The following CEP112 variants were observed in gnomAD, a reference collection of about 807,000 sequenced individuals.
CEP112 encodes centrosomal protein 112, also known as centrosomal protein of 112 kDa.
In CEP112, 127 loss-of-function variants were observed where a neutral mutation model predicts 153.0. The ratio of observed to expected loss-of-function variants is 0.83; its 90% CI spans 0.72 to 0.96. The LOEUF (loss-of-function observed/expected upper bound fraction) is 0.96, where lower values mean the gene tolerates loss of function less well. Ranked by LOEUF, CEP112 falls within the 40% of genes least tolerant of loss-of-function variation. CEP112 has a pLI of 0.00. For synonymous variants in CEP112, 358 were observed against 374.4 expected (o/e 0.96, Z 0.51); for missense variants, 1,089 against 1,101.2 (o/e 0.99, Z 0.16).
At chr17:66,119,302 C>T (rs1299331309) in intron 6 of CEP112, among the ~76,000 whole-genome samples, 1 of 152,106 alleles carries the variant, frequency 6.6e-6, no homozygotes, top group Non-Finnish European at 1.5e-5. Flanking sequence ...ACGTATATAA[C>T]AAACTTGCAC....
intron 4 of CEP112, among the ~76,000 whole-genome samples, chr17:66,167,290 A>C (rs763076294): frequency 1.3e-5 from 2 of 152,158 alleles, no homozygotes; most frequent in Non-Finnish European, 2.9e-5. Context: ...GAACTATTAC[A>C]ATAATGATCA....
At chr17:66,139,325 T>G (rs554349968) in intron 4 of CEP112, among the ~76,000 whole-genome samples, 1 of 152,242 alleles carries the variant, frequency 6.6e-6, no homozygotes, top group Admixed American at 6.5e-5. Flanking sequence ...AAAGAATGAC[T>G]GGGTGCAGTG....
chr17:66,096,084 A>G (rs2078859354), intron 8 of CEP112, among the ~76,000 whole-genome samples, 167 bp downstream of exon 8: 1 of 152,132 alleles, frequency 6.6e-6, no homozygotes, highest in Admixed American at 6.6e-5. Flanking sequence ...ACAAAAAACA[A>G]AACAGAAAGA....
intron 1 of CEP112, among the ~76,000 whole-genome samples, chr17:66,185,226 A>C (rs1287027192): frequency 2.0e-5 from 3 of 152,168 alleles, no homozygotes; most frequent in Admixed American, 6.5e-5. Context: ...ATAAGTTAAA[A>C]AAAATTTTTT....
intron 17 of CEP112, among the ~76,000 whole-genome samples, chr17:65,986,692 A>C (rs1360621936): frequency 1.0e-5 from 1 of 98,384 alleles, no homozygotes; most frequent in Non-Finnish European, 2.2e-5. Context: ...TTCATTCAAA[A>C]AATCAAAGAC....
At chr17:65,733,331 C>A (rs753494673) in intron 23 of CEP112, among the ~76,000 whole-genome samples, 1 of 152,088 alleles carries the variant, frequency 6.6e-6, no homozygotes, top group Non-Finnish European at 1.5e-5. Flanking sequence ...GATAACAGAT[C>A]ACCATAACAG....
At chr17:65,902,065 G>A in intron 20 of CEP112, 87 bp downstream of exon 20, 2 of 824,736 alleles carry the variant, frequency 2.4e-6, no homozygotes, top group Non-Finnish European at 3.7e-6. Flanking sequence ...CAAACAGCGT[G>A]CATCAATAAG....
intron 10 of CEP112, among the ~76,000 whole-genome samples, 157 bp from the exon 11 acceptor site, chr17:66,063,238 G>A (rs988123104): frequency 1.3e-5 from 2 of 151,770 alleles, no homozygotes; most frequent in East Asian, 1.9e-4. Flanking sequence ...TCTTTTTCTC[G>A]ATTTCTACCA....
At chr17:66,082,136 A>G (rs2067746554) in intron 8 of CEP112, among the ~76,000 whole-genome samples, 1 of 152,098 alleles carries the variant, frequency 6.6e-6, no homozygotes, top group Non-Finnish European at 1.5e-5. Flanking sequence ...TTCTCTGAAA[A>G]ATTGACCTCT....
chr17:66,050,227 G>A (rs909587957), intron 12 of CEP112, among the ~76,000 whole-genome samples: 10 of 152,162 alleles, frequency 6.6e-5, no homozygotes, highest in South Asian at 4.1e-4. Flanking sequence ...TGGATATTGA[G>A]ATAAAGAAAC....
chr17:65,992,597 T>C (rs2063633736), intron 17 of CEP112, among the ~76,000 whole-genome samples: 1 of 152,160 alleles, frequency 6.6e-6, no homozygotes, highest in Admixed American at 6.5e-5. Context: ...GGGACTGAAT[T>C]AGGTACAGAA....
chr17:65,764,844 C>T (rs936925624), intron 21 of CEP112, among the ~76,000 whole-genome samples: 77 of 145,304 alleles, frequency 5.3e-4, no homozygotes, highest in Non-Finnish European at 9.7e-4. Context: ...TTCCTTTTTT[C>T]CTTTCTTATT....
At chr17:66,128,827 T>C (rs1598405028) in intron 6 of CEP112, among the ~76,000 whole-genome samples, 2 of 152,312 alleles carry the variant, frequency 1.3e-5, no homozygotes, top group South Asian at 4.1e-4. Context: ...TATAAATTCA[T>C]ATAAAATGTT....
At chr17:65,860,014 C>CAAAA (rs1186022956) in intron 20 of CEP112, among the ~76,000 whole-genome samples, 3 of 50,406 alleles carry the variant, frequency 6.0e-5, no homozygotes, top group African/African-American at 1.3e-4. Context: ...GACTCCATCT[C>CAAAA]AAAAAAAAAA....
chr17:66,100,749 T>A (rs527560363), intron 6 of CEP112, among the ~76,000 whole-genome samples: 1 of 152,244 alleles, frequency 6.6e-6, no homozygotes, highest in Non-Finnish European at 1.5e-5. Flanking sequence ...CAGATGGCCC[T>A]CCATATTCAT....
At chr17:65,731,641 T>C (rs538212690) in intron 23 of CEP112, among the ~76,000 whole-genome samples, 42 of 152,324 alleles carry the variant, frequency 2.8e-4, no homozygotes, top group Middle Eastern at 6.8e-3. Flanking sequence ...TTAACCACAG[T>C]AGAATTTCTT....
chr17:66,166,301 G>T (rs1184258892), intron 4 of CEP112, among the ~76,000 whole-genome samples: 1 of 152,038 alleles, frequency 6.6e-6, no homozygotes, highest in Non-Finnish European at 1.5e-5. Context: ...AAAGGTCAGG[G>T]TTTATTTAAC....
chr17:65,779,255 G>T (rs1311609869), intron 21 of CEP112, among the ~76,000 whole-genome samples: 1 of 152,148 alleles, frequency 6.6e-6, no homozygotes, highest in Non-Finnish European at 1.5e-5. Flanking sequence ...TTCCTAGCAA[G>T]TTACTATTAA....
rs145713568 is a variant in CEP112, at chr17:65,703,731, T to A, written c.2608-14513A>T. On this transcript the variant is annotated intron_variant, in intron 23 of 26. Transcript: ENST00000535342. ...TGCCATTCTCCTGCTATTACTTCCATCCTTCAAAAGCCTTCTTTGTCCCCA... is the reference window on the plus strand; with the variant it reads ...TGCCATTCTCCTGCTATTACTTCCAACCTTCAAAAGCCTTCTTTGTCCCCA... Among the ~76,000 whole-genome samples the A allele has an allele frequency of 3.2e-4, 47 of 146,594 alleles. No individual in the cohort carries two copies. In the East Asian group the frequency reaches 8.8e-3, roughly 27 times the overall value.
Sources: gnomAD v4.1 joint callset for allele counts (sites outside exome capture counted in the v4.1 genomes callset) on GRCh38, gnomAD v4.1.1 for gene constraint, MANE v1.5 for transcripts, NCBI Gene and HGNC (gene_info 2026-07-23, HGNC 2026-07-21) for gene names.